Variants in PAPSS1 observed in about 807,000 individuals in gnomAD.
The protein encoded by PAPSS1 is 3'-phosphoadenosine 5'-phosphosulfate synthase 1, also known as bifunctional 3'-phosphoadenosine 5'-phosphosulfate synthase 1.
A neutral mutation model predicts 72.0 loss-of-function variants in PAPSS1; 50 were observed. The ratio of observed to expected loss-of-function variants is 0.69; its 90% CI spans 0.55 to 0.88. The LOEUF (loss-of-function observed/expected upper bound fraction) is 0.88, where lower values mean the gene tolerates loss of function less well. PAPSS1 is among the 40% of genes least tolerant of loss of function. PAPSS1 has a pLI of 0.00. For synonymous variants in PAPSS1, 261 were observed against 263.6 expected (o/e 0.99, Z 0.09); for missense variants, 657 against 782.2 (o/e 0.84, Z 1.91).
intron 9 of PAPSS1, among the ~76,000 whole-genome samples, chr4:107,649,482 C>T (rs189416987): frequency 1.6e-3 from 251 of 152,336 alleles, no homozygotes; most frequent in Middle Eastern, 0.01. Flanking sequence ...TTTAAATACT[C>T]GCTTCACTGA....
chr4:107,662,161 C>T (rs1212210979), intron 5 of PAPSS1, among the ~76,000 whole-genome samples: 1 of 152,170 alleles, frequency 6.6e-6, no homozygotes, highest in Non-Finnish European at 1.5e-5. Context: ...GCTACAACAG[C>T]AAATTCAGCC....
chr4:107,668,468 G>C (rs1266487867), intron 5 of PAPSS1, among the ~76,000 whole-genome samples: 1 of 152,142 alleles, frequency 6.6e-6, no homozygotes, highest in Non-Finnish European at 1.5e-5. Context: ...ATCTGTGAGG[G>C]CGTTGCCAAA....
rs116205180 is a variant in PAPSS1, at chr4:107,700,374, T to C, written c.175+797A>G. Among the ~76,000 whole-genome samples, 732 of 152,280 alleles carry C rather than the reference T, an allele frequency of 4.8e-3. 3 individuals are homozygous for C. Among genetic ancestry groups the C allele is most frequent in the Non-Finnish European group, 7.9e-3 (537 of 68,014 alleles). On this transcript the variant is annotated intron_variant, in intron 2 of 11. Transcript: ENST00000265174. The stretch of plus-strand genomic sequence containing the variant: ...TTTTAAAGCTACTTCAAAATCTGTA[T>C]CAATTCAGTCACTCACCAGCCTGCT...
At chr4:107,686,984 T>C (rs1366078571) in intron 4 of PAPSS1, 55 bp downstream of exon 4, 2 of 1,477,890 alleles carry the variant, frequency 1.4e-6, no homozygotes, top group Non-Finnish European at 1.9e-6. Flanking sequence ...CAATCCTAGA[T>C]ATGGGAACAT....
intron 5 of PAPSS1, among the ~76,000 whole-genome samples, chr4:107,671,325 G>A (rs774088802): frequency 7.3e-5 from 11 of 151,070 alleles, no homozygotes; most frequent in Non-Finnish European, 1.0e-4. Flanking sequence ...GAGCCTACAC[G>A]TAGGAAAAGT....
chr4:107,622,858 C>T (rs1355533193), intron 11 of PAPSS1, among the ~76,000 whole-genome samples: 3 of 152,188 alleles, frequency 2.0e-5, no homozygotes, highest in African/African-American at 4.8e-5. Context: ...AAACTCTCTG[C>T]CCATTACCTG....
intron 1 of PAPSS1, among the ~76,000 whole-genome samples, chr4:107,704,256 T>G (rs980840958): frequency 6.6e-6 from 1 of 152,238 alleles, no homozygotes; most frequent in Admixed American, 6.5e-5. Context: ...TCTTTAGGGT[T>G]TTCCATATTA....
chr4:107,621,175 G>A (rs1181349301), intron 11 of PAPSS1, among the ~76,000 whole-genome samples: 3 of 152,136 alleles, frequency 2.0e-5, no homozygotes, highest in South Asian at 2.1e-4. Context: ...TTCCAGAGTA[G>A]GGGGGAGCCT....
intron 1 of PAPSS1, among the ~76,000 whole-genome samples, chr4:107,709,948 A>G (rs1307095577): frequency 6.6e-6 from 1 of 152,242 alleles, no homozygotes; most frequent in African/African-American, 2.4e-5. Flanking sequence ...GCCTGTGGGC[A>G]GCAGGCAAAA....
intron 10 of PAPSS1, among the ~76,000 whole-genome samples, chr4:107,637,820 C>A (rs1158350566): frequency 6.6e-6 from 1 of 152,118 alleles, no homozygotes; most frequent in African/African-American, 2.4e-5. Flanking sequence ...TATAAAAATT[C>A]TTTAGGAAGT....
intron 3 of PAPSS1, among the ~76,000 whole-genome samples, chr4:107,691,195 C>A (rs567386565): frequency 1.3e-5 from 2 of 151,786 alleles, no homozygotes; most frequent in African/African-American, 4.8e-5. Context: ...AAAAAAAAGT[C>A]CAAGTAACCA....
intron 1 of PAPSS1, among the ~76,000 whole-genome samples, chr4:107,718,829 T>C (rs1723700936): frequency 6.6e-6 from 1 of 152,246 alleles, no homozygotes; most frequent in Admixed American, 6.5e-5. Context: ...AAACTGAGTC[T>C]GAGTTTCAAG....
In PAPSS1 at chr4:107,696,630, C is replaced by T. The variant is rs573216790; in HGVS notation, c.176-2624G>A. On this transcript the variant is annotated intron_variant, in intron 2 of 11. Transcript: ENST00000265174. ...AAAGCATCAGGATAAATAGCTAATG[C>T]ATGTGGGGCTTAAAACCCAGATGAT... is the stretch of plus-strand genomic sequence containing the variant. Among the ~76,000 whole-genome samples the T allele has an allele frequency of 6.6e-5, 10 of 152,028 alleles. No homozygotes were observed. In the South Asian group the frequency reaches 2.1e-3, roughly 32 times the overall value.
Position 107,660,644 on chromosome 4 carries a change from GT to G in PAPSS1, c.670-573del, listed in dbSNP as rs1384725715. ...CTCATTTATAAAACACTGGGATGGT[GT>G]TTTTCCCCATTTATACTACAAGTAC... is the stretch of plus-strand genomic sequence containing the variant. On this transcript the variant is annotated intron_variant, in intron 5 of 11. Coordinates refer to ENST00000265174, the MANE Select transcript of PAPSS1 (RefSeq NM_005443.5). Among the ~76,000 whole-genome samples the G allele has an allele frequency of 2.0e-5, 3 of 152,252 alleles. No homozygotes were observed. In the East Asian group the frequency reaches 5.8e-4, roughly 29 times the overall value.
chr4:107,618,975 G>A lies in PAPSS1; in HGVS notation c.1737-4588C>T, dbSNP rs550797595. Among the ~76,000 whole-genome samples, 3 of 152,198 alleles carry A rather than the reference G, an allele frequency of 2.0e-5. No homozygotes were observed. In the South Asian group the frequency reaches 6.2e-4, roughly 32 times the overall value. On this transcript the variant is annotated intron_variant, in intron 11 of 11. Coordinates refer to ENST00000265174, the MANE Select transcript of PAPSS1 (RefSeq NM_005443.5). ...TGAATGTGTTTCAGTTCCTTAGGAG[G>A]TCCACTTATTGGCTCCCTAAATAAG...
At chr4:107,691,791 C>T (rs1722929315) in intron 3 of PAPSS1, among the ~76,000 whole-genome samples, 1 of 152,144 alleles carries the variant, frequency 6.6e-6, no homozygotes, top group Admixed American at 6.6e-5. Flanking sequence ...CTAGCAGTTA[C>T]CAGAACACAG....
chr4:107,702,977 C>G (rs1166413362), intron 1 of PAPSS1, among the ~76,000 whole-genome samples: 1 of 152,150 alleles, frequency 6.6e-6, no homozygotes, highest in South Asian at 2.1e-4. Context: ...CAATAGCACA[C>G]TAGGATTTTC....
intron 1 of PAPSS1, 74 bp downstream of exon 1, chr4:107,720,046 A>G: frequency 6.7e-7 from 1 of 1,502,766 alleles, no homozygotes; most frequent in African/African-American, 1.4e-5. Context: ...GGCGGGAGAG[A>G]GGCGGCGGCT....
chr4:107,628,722 C>A (rs1726158203), intron 11 of PAPSS1, among the ~76,000 whole-genome samples: 1 of 152,188 alleles, frequency 6.6e-6, no homozygotes, highest in Admixed American at 6.5e-5. Flanking sequence ...TGTACAAGTA[C>A]CTACTAAGGT....
Sources: allele counts gnomAD v4.1 joint callset (sites outside exome capture counted in the v4.1 genomes callset), GRCh38; gene constraint gnomAD v4.1.1; transcripts MANE v1.5; gene names NCBI Gene and HGNC (gene_info 2026-07-23, HGNC 2026-07-21).